DCLK1: variants seen among roughly 807,000 people sequenced by gnomAD.
DCLK1 encodes the protein doublecortin like kinase 1.
DCLK1 carries 16 observed loss-of-function variants against 86.2 expected under a neutral mutation model. That is an observed-to-expected ratio of 0.19 (90% CI 0.13 to 0.28). The LOEUF is 0.28. Among genes scored for constraint, DCLK1 ranks in the 10% least tolerant of loss-of-function variants. The probability of loss-of-function intolerance (pLI) is 1.00; values close to 1 mark genes in which losing one functional copy is unlikely to be tolerated. For synonymous variants in DCLK1, 369 were observed against 370.5 expected, an observed-to-expected ratio of 1.00 and a Z score of 0.05; for missense variants, 590 against 940.2, an observed-to-expected ratio of 0.63 and a Z score of 4.87.
At chr13:35,995,487 T>G (rs1046038087) in intron 3 of DCLK1, among the ~76,000 whole-genome samples, 1 of 152,206 alleles carries the variant, frequency 6.6e-6, no homozygotes, top group African/African-American at 2.4e-5. Context: ...CCAGAAAGAA[T>G]AAGAACATTT....
At chr13:36,093,129 A>C (rs186044448) in intron 3 of DCLK1, among the ~76,000 whole-genome samples, 1 of 152,330 alleles carries the variant, frequency 6.6e-6, no homozygotes, top group East Asian at 1.9e-4. Context: ...CTGTTCTTGA[A>C]ATCCTTACTT....
rs367830791 is a variant in DCLK1, at chr13:36,079,234, T to C, written c.723+32635A>G. Among the ~76,000 whole-genome samples, 58 of 152,252 alleles carry C rather than the reference T, an allele frequency of 3.8e-4. No individual in the cohort carries two copies. In the South Asian group the frequency reaches 4.6e-3, roughly 12 times the overall value. On this transcript the variant is annotated intron_variant, in intron 3 of 16. Coordinates refer to ENST00000360631, the MANE Select transcript of DCLK1 (RefSeq NM_001330071.2). ...GGAGGCTGATCCAGCAGCTCAAAAC[T>C]AAAGTTACTGCAAGGGATAACAAAG...
intron 3 of DCLK1, among the ~76,000 whole-genome samples, chr13:35,958,078 C>T (rs867451645): frequency 2.1e-4 from 21 of 98,170 alleles, no homozygotes; most frequent in Middle Eastern, 5.3e-3. Flanking sequence ...ACCACCACCA[C>T]TACTATAACC....
intron 5 of DCLK1, among the ~76,000 whole-genome samples, chr13:35,866,283 C>T (rs886644231): frequency 6.6e-6 from 1 of 152,102 alleles, no homozygotes; most frequent in African/African-American, 2.4e-5. Flanking sequence ...TATAAGTTAA[C>T]CATGTTATAT....
At chr13:36,032,426 G>A (rs1882320338) in intron 3 of DCLK1, among the ~76,000 whole-genome samples, 1 of 152,218 alleles carries the variant, frequency 6.6e-6, no homozygotes, top group Non-Finnish European at 1.5e-5. Context: ...TTATAGGCGT[G>A]AGCCACTGCG....
rs980794176 is a variant in DCLK1, at chr13:35,770,681, G to A, written c.*3854C>T. 1.2e-4 allele frequency: 19 copies of A among 152,152 alleles called. No homozygotes were observed. Among genetic ancestry groups the A allele is most frequent in the African/African-American group, 4.6e-4 (19 of 41,442 alleles). 9.4% of individuals were successfully genotyped at this position (152,152 alleles called of 1,614,324 possible). On this transcript the variant is annotated 3_prime_UTR_variant, in exon 17 of 17. Coordinates refer to ENST00000360631, the MANE Select transcript of DCLK1 (RefSeq NM_001330071.2). ...GACTTACAAATTATAGAAAAGATAT[G>A]TTATCTACAATATATGCCAGGTGAC...
At chr13:36,126,231 GTTTT>G (rs577885528) in intron 1 of DCLK1, 75 bp from the exon 2 acceptor site, 1 of 1,233,420 alleles carries the variant, frequency 8.1e-7, no homozygotes, top group East Asian at 2.7e-5. Context: ...TTTTGTTTTT[GTTTT>G]TTTTATGTTA....
chr13:36,094,383 C>A (rs1271514493), intron 3 of DCLK1, among the ~76,000 whole-genome samples: 5 of 152,098 alleles, frequency 3.3e-5, no homozygotes, highest in Non-Finnish European at 5.9e-5. Flanking sequence ...GTTATGAATA[C>A]AAAATTAACA....
At chr13:35,892,790 T>C (rs988967200) in intron 4 of DCLK1, among the ~76,000 whole-genome samples, 2 of 152,198 alleles carry the variant, frequency 1.3e-5, no homozygotes, top group Non-Finnish European at 2.9e-5. Context: ...TGTAACATTG[T>C]CTGGTAGCCC....
chr13:35,922,007 A>T (rs1267520307), intron 4 of DCLK1, among the ~76,000 whole-genome samples: 3 of 152,202 alleles, frequency 2.0e-5, no homozygotes, highest in Non-Finnish European at 4.4e-5. Flanking sequence ...TGCTCCATAC[A>T]GCCTCATTGA....
chr13:35,925,001 C>A (rs974248507), intron 4 of DCLK1, among the ~76,000 whole-genome samples: 2 of 152,100 alleles, frequency 1.3e-5, no homozygotes, highest in African/African-American at 4.8e-5. Context: ...TTGCTTTTTC[C>A]AGAAAAAGGC....
At chr13:35,984,918 C>T (rs1169350686) in intron 3 of DCLK1, among the ~76,000 whole-genome samples, 2 of 151,972 alleles carry the variant, frequency 1.3e-5, no homozygotes, top group Non-Finnish European at 2.9e-5. Context: ...CACACACACA[C>T]ACACACTTGA....
chr13:35,848,069 AG>A, intron 6 of DCLK1: 4 of 985,330 alleles, frequency 4.1e-6, no homozygotes, highest in Non-Finnish European at 4.8e-6. Context: ...CTAAGAAAAA[AG>A]TGAGTGCAAG....
At chr13:35,919,700 C>A (rs748984946) in intron 4 of DCLK1, among the ~76,000 whole-genome samples, 1 of 151,970 alleles carries the variant, frequency 6.6e-6, no homozygotes, top group East Asian at 1.9e-4. Flanking sequence ...GTGGCTCATG[C>A]CTATAATTCC....
chr13:36,088,419 G>T (rs1166926552), intron 3 of DCLK1, among the ~76,000 whole-genome samples: 1 of 152,216 alleles, frequency 6.6e-6, no homozygotes, highest in Non-Finnish European at 1.5e-5. Context: ...GTAGGGTCCA[G>T]TCTTAAGGCT....
At chr13:35,990,134 C>A (rs1880155779) in intron 3 of DCLK1, among the ~76,000 whole-genome samples, 1 of 152,172 alleles carries the variant, frequency 6.6e-6, no homozygotes, top group Non-Finnish European at 1.5e-5. Flanking sequence ...TAGTTCCCAA[C>A]AATGTCTTCC....
rs10083266 is a variant in DCLK1, at chr13:35,955,512, C to T, written c.724-8055G>A. ...ATGGCCTAATCACCTCCCAAAGGCC[C>T]GCCTCCTAATACTATCGCCTTGGAG... On this transcript the variant is annotated intron_variant, in intron 3 of 16. Coordinates refer to ENST00000360631, the MANE Select transcript of DCLK1 (RefSeq NM_001330071.2). Among the ~76,000 whole-genome samples the T allele has an allele frequency of 5.1e-3, 779 of 152,160 alleles. 9 individuals are homozygous for T. The highest frequency in any genetic ancestry group is 0.018 in the African/African-American group (736 of 41,500).
intron 4 of DCLK1, among the ~76,000 whole-genome samples, chr13:35,924,780 T>C (rs1003117890): frequency 6.6e-6 from 1 of 152,230 alleles, no homozygotes; most frequent in Non-Finnish European, 1.5e-5. Flanking sequence ...ACCAGAAAAC[T>C]AAAAATCAGT....
At position 35,771,061 on chromosome 13, in the gene DCLK1, GC is replaced by G. The variant is rs1479612729; in HGVS notation, c.*3473del. The G allele has an allele frequency of 6.6e-6, 1 of 152,202 alleles. No individual in the cohort carries two copies. The highest frequency in any genetic ancestry group is 2.4e-5 in the African/African-American group (1 of 41,464). 9.4% of individuals were successfully genotyped at this position (152,202 alleles called of 1,614,324 possible). On this transcript the variant is annotated 3_prime_UTR_variant, in exon 17 of 17. Coordinates refer to ENST00000360631, the MANE Select transcript of DCLK1 (RefSeq NM_001330071.2). The stretch of plus-strand genomic sequence containing the variant: ...TCTCCCTCAGCACGATTGAGCTTCA[GC>G]GCAAGGGATAGAGTTGTCTAGTGGA...
Sources: allele counts gnomAD v4.1 joint callset (sites outside exome capture counted in the v4.1 genomes callset), GRCh38; gene constraint gnomAD v4.1.1; transcripts MANE v1.5; gene names NCBI Gene and HGNC (gene_info 2026-07-23, HGNC 2026-07-21).